The following HS3ST5 variants were observed in gnomAD, a reference collection of about 807,000 sequenced individuals.
HS3ST5 encodes heparan sulfate glucosamine 3-O-sulfotransferase 5.
HS3ST5 carries 10 observed loss-of-function variants against 25.4 expected under a neutral mutation model. The ratio of observed to expected loss-of-function variants is 0.39; its 90% confidence interval spans 0.24 to 0.67. HS3ST5 has a LOEUF of 0.67. HS3ST5 is among the 30% of genes least tolerant of loss of function. The pLI is 0.44. For synonymous variants in HS3ST5, 170 were observed against 162.4 expected, an observed-to-expected ratio of 1.05 and a Z score of -0.36; for missense variants, 324 against 420.7, an observed-to-expected ratio of 0.77 and a Z score of 2.01.
intron 3 of HS3ST5, among the ~76,000 whole-genome samples, chr6:114,095,793 T>C (rs915548021): frequency 1.3e-5 from 2 of 152,120 alleles, no homozygotes; most frequent in Non-Finnish European, 2.9e-5. Context: ...TACAATATTT[T>C]CTACTAGTAT....
At position 114,164,941 on chromosome 6, in the gene HS3ST5, G is replaced by A. The variant is rs114152927; in HGVS notation, c.-33+3410C>T. On this transcript the variant is annotated intron_variant, in intron 3 of 4. Transcript: ENST00000312719. Reference sequence around the variant, plus strand: ...TTTACTTCCCTTCAACATCTACAAGGTCAAAACCAGTCATCAGCCATAACT... The same window carrying A: ...TTTACTTCCCTTCAACATCTACAAGATCAAAACCAGTCATCAGCCATAACT... Among the ~76,000 whole-genome samples the A allele has an allele frequency of 6.2e-3, 942 of 152,188 alleles. 10 individuals are homozygous for A. The highest frequency in any genetic ancestry group is 0.022 in the African/African-American group (894 of 41,526).
chr6:114,309,941 A>C (rs529035458), intron 1 of HS3ST5, among the ~76,000 whole-genome samples: 11 of 152,194 alleles, frequency 7.2e-5, no homozygotes, highest in Non-Finnish European at 1.6e-4. Context: ...AGTACATCTA[A>C]AGAAAAAGTA....
intron 3 of HS3ST5, among the ~76,000 whole-genome samples, chr6:114,129,160 T>C (rs1777201729): frequency 1.3e-5 from 2 of 152,138 alleles, no homozygotes; most frequent in African/African-American, 2.4e-5. Context: ...ATTAACATCA[T>C]TGGTATATTG....
chr6:114,107,117 G>A (rs977424337), intron 3 of HS3ST5, among the ~76,000 whole-genome samples: 13 of 152,128 alleles, frequency 8.5e-5, no homozygotes, highest in Admixed American at 5.2e-4. Flanking sequence ...TATTTTCCTC[G>A]CTGTTTTTTC....
intron 3 of HS3ST5, among the ~76,000 whole-genome samples, chr6:114,102,052 G>A (rs1255142098): frequency 2.6e-5 from 4 of 152,076 alleles, no homozygotes; most frequent in African/African-American, 7.2e-5. Context: ...CCTACTTGAG[G>A]GTGAAGGATG....
chr6:114,229,547 C>T (rs1024902377), intron 1 of HS3ST5, among the ~76,000 whole-genome samples: 3 of 152,130 alleles, frequency 2.0e-5, no homozygotes, highest in Admixed American at 6.5e-5. Flanking sequence ...CCAACCACCG[C>T]GCCCAGCTCT....
At chr6:114,284,537 A>T (rs1774255082) in intron 1 of HS3ST5, among the ~76,000 whole-genome samples, 1 of 151,966 alleles carries the variant, frequency 6.6e-6, no homozygotes, top group South Asian at 2.1e-4. Flanking sequence ...GCATTGCCTC[A>T]ACCACAACCC....
At chr6:114,294,034 C>T (rs537293734) in intron 1 of HS3ST5, among the ~76,000 whole-genome samples, 7 of 152,172 alleles carry the variant, frequency 4.6e-5, no homozygotes, top group Non-Finnish European at 1.0e-4. Context: ...ATGGAAAGAG[C>T]TGGATGAGAA....
At chr6:114,130,999 G>A (rs1777304566) in intron 3 of HS3ST5, among the ~76,000 whole-genome samples, 1 of 152,122 alleles carries the variant, frequency 6.6e-6, no homozygotes, top group Non-Finnish European at 1.5e-5. Context: ...CTATGATCAT[G>A]CCACTGCACT....
At chr6:114,138,965 A>G (rs1777770538) in intron 3 of HS3ST5, among the ~76,000 whole-genome samples, 1 of 152,154 alleles carries the variant, frequency 6.6e-6, no homozygotes, top group Non-Finnish European at 1.5e-5. Flanking sequence ...AAAGCTACAG[A>G]TCCCATTCAT....
intron 3 of HS3ST5, among the ~76,000 whole-genome samples, chr6:114,151,717 C>T (rs1778457951): frequency 1.3e-5 from 2 of 152,058 alleles, no homozygotes; most frequent in Admixed American, 1.3e-4. Context: ...ATATTTAAAG[C>T]TCCTTTGAAA....
At chr6:114,182,674 C>T (rs1290350426) in intron 2 of HS3ST5, among the ~76,000 whole-genome samples, 1 of 152,096 alleles carries the variant, frequency 6.6e-6, no homozygotes, top group Non-Finnish European at 1.5e-5. Context: ...TGAATATTAT[C>T]CTACATGTGG....
At position 114,307,358 on chromosome 6, in the gene HS3ST5, GT is replaced by G. The variant is rs5879257; in HGVS notation, c.-339+34836del. 4.2e-3 allele frequency among the ~76,000 whole-genome samples: 605 copies of G among 145,182 alleles called. 3 individuals are homozygous for G. Among genetic ancestry groups the G allele is most frequent in the South Asian group, 0.016 (73 of 4,576 alleles). Reference sequence around the variant, plus strand: ...TATGTATAGCACAAATATCCTTACTGTTTTTTTTTTTCCATCTAGTAATCTA... The same window carrying G: ...TATGTATAGCACAAATATCCTTACTGTTTTTTTTTTCCATCTAGTAATCTA... On this transcript the variant is annotated intron_variant, in intron 1 of 4. Coordinates refer to ENST00000312719, the MANE Select transcript of HS3ST5 (RefSeq NM_153612.4).
intron 1 of HS3ST5, among the ~76,000 whole-genome samples, chr6:114,299,751 T>C (rs934750261): frequency 1.3e-5 from 2 of 152,200 alleles, no homozygotes; most frequent in Non-Finnish European, 2.9e-5. Context: ...AGTGATGATA[T>C]TCTTTGTGAG....
chr6:114,253,773 A>G (rs1019651160), intron 1 of HS3ST5, among the ~76,000 whole-genome samples: 8 of 152,186 alleles, frequency 5.3e-5, no homozygotes, highest in African/African-American at 1.9e-4. Flanking sequence ...GTGAGATAGT[A>G]TTTCAGATAT....
At position 114,121,193 on chromosome 6, in the gene HS3ST5, A is replaced by G. The variant is rs551649899; in HGVS notation, c.-33+47158T>C. On this transcript the variant is annotated intron_variant, in intron 3 of 4. Coordinates refer to ENST00000312719, the MANE Select transcript of HS3ST5 (RefSeq NM_153612.4). ...GCAAAAGTACTCTTATTATTTTTGT[A>G]TCACTGTTCTGACCCACAGTTTATA... 7.9e-4 allele frequency among the ~76,000 whole-genome samples: 120 copies of G among 152,350 alleles called. 1 individual carries two copies. The South Asian group carries it at 0.023, about 29-fold the overall frequency.
intron 1 of HS3ST5, among the ~76,000 whole-genome samples, chr6:114,245,822 A>G (rs1334503306): frequency 6.6e-6 from 1 of 152,254 alleles, no homozygotes; most frequent in Non-Finnish European, 1.5e-5. Flanking sequence ...GGCGTTATGC[A>G]TACAGGTGGG....
intron 2 of HS3ST5, among the ~76,000 whole-genome samples, chr6:114,208,105 G>C (rs1487165540): frequency 6.6e-6 from 1 of 152,130 alleles, no homozygotes; most frequent in African/African-American, 2.4e-5. Flanking sequence ...ATTAAAACTA[G>C]AAATAGTAGC....
chr6:114,328,214 AAAGGAAGGAAAGAAGGAAAG>A lies in HS3ST5; in HGVS notation c.-339+13961_-339+13980del, dbSNP rs1320896680. 1.5e-3 allele frequency among the ~76,000 whole-genome samples: 231 copies of A among 152,104 alleles called. 4 individuals carry two copies. In the East Asian group the frequency reaches 0.03, roughly 20 times the overall value. ...TACAGAAGGTAAAGAAGAAGTGAAA[AAAGGAAGGAAAGAAGGAAAG>A]AAGGAAGGAAAGAAGGAAGGAAGGA... is the stretch of plus-strand genomic sequence containing the variant. On this transcript the variant is annotated intron_variant, in intron 1 of 4. Transcript: ENST00000312719.
Sources: gnomAD v4.1 joint callset for allele counts (sites outside exome capture counted in the v4.1 genomes callset) on GRCh38, gnomAD v4.1.1 for gene constraint, MANE v1.5 for transcripts, NCBI Gene and HGNC (gene_info 2026-07-23, HGNC 2026-07-21) for gene names.